The following SLC12A4 variants were observed in gnomAD, a reference collection of about 807,000 sequenced individuals.
The protein encoded by SLC12A4 is electroneutral potassium-chloride cotransporter 1.
SLC12A4 carries 84 observed loss-of-function variants against 119.2 expected under a neutral mutation model. The observed-to-expected ratio is 0.70, with a 90% CI of 0.59 to 0.85. SLC12A4 has a LOEUF of 0.85. SLC12A4 is among the 40% of genes least tolerant of loss of function. SLC12A4 has a pLI of 0.00. For missense variants in SLC12A4, 1,298 were observed against 1,476.3 expected (o/e 0.88, Z 1.98); for synonymous variants, 599 against 604.6 (o/e 0.99, Z 0.14).
At chr16:67,963,879 G>GC in intron 1 of SLC12A4, 2 of 1,544,446 alleles carry the variant, frequency 1.3e-6, no homozygotes, top group Non-Finnish European at 1.8e-6. Flanking sequence ...CGTTTGACCC[G>GC]CCCCCAGATC....
At position 67,944,094 on chromosome 16, in the gene SLC12A4, G is replaced by A. The variant is rs753021814; in HGVS notation, c.*746C>T. Reference sequence around the variant, plus strand: ...CACCCACTGCCATGGGGAGCCGGGCGGCCCCATTCCAGCCCTGGTGCCTAC... The same window carrying A: ...CACCCACTGCCATGGGGAGCCGGGCAGCCCCATTCCAGCCCTGGTGCCTAC... On this transcript the variant is annotated 3_prime_UTR_variant, in exon 24 of 24. Coordinates refer to ENST00000316341, the MANE Select transcript of SLC12A4 (RefSeq NM_005072.5). This position sits in a 1 kb window ranked among gnomAD's most constrained non-coding sequence, Gnocchi z 6.6. The A allele has an allele frequency of 2.1e-5, 33 of 1,547,574 alleles. No individual in the cohort carries two copies. The South Asian group carries it at 2.4e-4, about 11-fold the overall frequency.
In SLC12A4 at chr16:67,946,166, T is replaced by G; in HGVS notation, c.2607+5A>C. On this transcript the variant is annotated splice_donor_5th_base_variant and intron_variant, in intron 19 of 23. Coordinates refer to ENST00000316341, the MANE Select transcript of SLC12A4 (RefSeq NM_005072.5). ...CCTCTCATCTGCACCCACCCCCTGG[T>G]CTACCTTATGCTGGCGCAGCAGGAA... is the stretch of plus-strand genomic sequence containing the variant. The G allele has an allele frequency of 6.2e-7, 1 of 1,613,838 alleles. No homozygotes were observed. The highest frequency in any genetic ancestry group is 8.5e-7 in the Non-Finnish European group (1 of 1,179,972).
At chr16:67,964,343 C>T (rs1457208145) in intron 1 of SLC12A4, among the ~76,000 whole-genome samples, 1 of 152,210 alleles carries the variant, frequency 6.6e-6, no homozygotes, top group Non-Finnish European at 1.5e-5. Flanking sequence ...TGAGAAATCT[C>T]GCCAAAAGGA....
chr16:67,950,871 G>A lies in SLC12A4; in HGVS notation c.1396+91C>T, dbSNP rs1244375635. ...GAGAAGGGGAGCTATATATGAGTGT[G>A]TGGGGTGTCTGTGCATGTGACCTGG... On this transcript the variant is annotated intron_variant, in intron 10 of 23. Coordinates refer to ENST00000316341, the MANE Select transcript of SLC12A4 (RefSeq NM_005072.5). The surrounding 1 kb of genome is among the most constrained non-coding windows in gnomAD (Gnocchi z 4.3). The A allele has an allele frequency of 1.4e-6, 2 of 1,450,080 alleles. No homozygotes were observed. Among genetic ancestry groups the A allele is most frequent in the South Asian group, 1.2e-5 (1 of 85,370 alleles). 89.8% of individuals were successfully genotyped at this position (1,450,080 alleles called of 1,614,324 possible).
Position 67,958,015 on chromosome 16 carries a change from C to G in SLC12A4, c.372G>C (p.Val124=), listed in dbSNP as rs899894198. Reference sequence around the variant, plus strand: ...AGATATTCTGCAGGCAGGGCAGGTACACCCCCATGAGGGTGCCCATGCTGG... The same window carrying G: ...AGATATTCTGCAGGCAGGGCAGGTAGACCCCCATGAGGGTGCCCATGCTGG... The part of the protein sequence containing the change: ...EAPSMGTLMG[V]YLPCLQNIFG... The change falls in exon 4 of 24, where the codon GTG becomes GTC. Residue 124 remains valine (V), a synonymous_variant. Coordinates refer to ENST00000316341, the MANE Select transcript of SLC12A4 (RefSeq NM_005072.5). The G allele has an allele frequency of 2.5e-6, 4 of 1,614,056 alleles. No homozygotes were observed. Among genetic ancestry groups the G allele is most frequent in the Admixed American group, 1.7e-5 (1 of 60,006 alleles).
At chr16:67,954,977 G>A (rs903052412) in intron 5 of SLC12A4, among the ~76,000 whole-genome samples, 3 of 152,202 alleles carry the variant, frequency 2.0e-5, no homozygotes, top group Middle Eastern at 3.2e-3. Flanking sequence ...CATCTGACTC[G>A]AATGTCCAGC....
chr16:67,947,378 G>T lies in SLC12A4; in HGVS notation c.2025C>A (p.Tyr675Ter). ...IRGLSLSAAR[Y>*]ALLRLEEGPP... ...GCCCCTCCTCCAGCCGCAACAGCGC[G>T]TAGCGGGCAGCGCTCAGGGACAGGC... The change falls in exon 16 of 24, where the codon TAC becomes TAA. Residue 675 changes from tyrosine (Y) to a stop codon, truncating the protein, a stop_gained. Coordinates refer to ENST00000316341, the MANE Select transcript of SLC12A4 (RefSeq NM_005072.5). LOFTEE classifies it high-confidence loss of function. 1 of 1,612,836 alleles carries T rather than the reference G, an allele frequency of 6.2e-7. No individual in the cohort carries two copies. Among genetic ancestry groups the T allele is most frequent in the Non-Finnish European group, 8.5e-7 (1 of 1,179,866 alleles).
At chr16:67,948,286 T>G in intron 13 of SLC12A4, 127 bp from the exon 14 acceptor site, 2 of 771,962 alleles carry the variant, frequency 2.6e-6, no homozygotes, top group Non-Finnish European at 4.3e-6. Context: ...CAAGGTCTTC[T>G]CAACCTCATT....
chr16:67,947,014 T>TG lies in SLC12A4; in HGVS notation c.2163dup (p.Lys722GlnfsTer35). ...ACAGAACCAACAATGGTCAGGCCCT[T>TG]GCCAGCCTTGAGCTGGGAGGCGAAG... is the stretch of plus-strand genomic sequence containing the variant. On this transcript the variant is annotated frameshift_variant, in exon 17 of 24. Transcript: ENST00000316341. LOFTEE classifies it high-confidence loss of function. 2 of 1,613,194 alleles carry TG rather than the reference T, an allele frequency of 1.2e-6. No homozygotes were observed. The highest frequency in any genetic ancestry group is 1.7e-6 in the Non-Finnish European group (2 of 1,180,018).
intron 13 of SLC12A4, among the ~76,000 whole-genome samples, chr16:67,948,792 T>C (rs960929293): frequency 2.0e-5 from 3 of 151,130 alleles, no homozygotes; most frequent in African/African-American, 7.3e-5. Flanking sequence ...CCACCCAAGA[T>C]GGCTGTGGCA....
Position 67,950,035 on chromosome 16 carries a change from T to C in SLC12A4, c.1630-117A>G. ...CCGCCTTGGGGGCTCAGGCCGCCCCTGTGTCTATCCCTATGGGTGTCACCA... is the reference window on the plus strand; with the variant it reads ...CCGCCTTGGGGGCTCAGGCCGCCCCCGTGTCTATCCCTATGGGTGTCACCA... On this transcript the variant is annotated intron_variant, in intron 12 of 23. Coordinates refer to ENST00000316341, the MANE Select transcript of SLC12A4 (RefSeq NM_005072.5). The surrounding 1 kb of genome is among the most constrained non-coding windows in gnomAD (Gnocchi z 4.3). 1.2e-6 allele frequency: 1 copy of C among 811,718 alleles called. No individual in the cohort carries two copies. Among genetic ancestry groups the C allele is most frequent in the Non-Finnish European group, 2.0e-6 (1 of 489,458 alleles). 50.3% of individuals were successfully genotyped at this position (811,718 alleles called of 1,614,324 possible). A position where few individuals can be genotyped will look rare whatever the true frequency, so the allele number is the denominator to read the frequency against.
In SLC12A4 at chr16:67,949,725, A is replaced by G; in HGVS notation, c.1748+75T>C. 9.9e-7 allele frequency: 1 copy of G among 1,008,942 alleles called. No homozygotes were observed. 62.5% of individuals were successfully genotyped at this position (1,008,942 alleles called of 1,614,324 possible). ...ATCTCCCAGCTGGACCTCCAACACC[A>G]GACGCAGCCACGGGGAGGTGCTGGG... On this transcript the variant is annotated intron_variant, in intron 13 of 23. Coordinates refer to ENST00000316341, the MANE Select transcript of SLC12A4 (RefSeq NM_005072.5). The surrounding 1 kb of genome is among the most constrained non-coding windows in gnomAD (Gnocchi z 4.6).
Position 67,949,868 on chromosome 16 carries a change from CAGG to C in SLC12A4, c.1677_1679del (p.Leu560del), listed in dbSNP as rs1598214859. On this transcript the variant is annotated inframe_deletion, in exon 13 of 24. Coordinates refer to ENST00000316341, the MANE Select transcript of SLC12A4 (RefSeq NM_005072.5). The surrounding 1 kb of genome is among the most constrained non-coding windows in gnomAD (Gnocchi z 4.6). The stretch of plus-strand genomic sequence containing the variant: ...TGCCCAGCTCGGCGATGAGTGCCGT[CAGG>C]AGGAGTGCCCATGTGGGTTCACCAT... The C allele has an allele frequency of 1.2e-6, 2 of 1,610,588 alleles. No individual in the cohort carries two copies. Among genetic ancestry groups the C allele is most frequent in the East Asian group, 2.2e-5 (1 of 44,610 alleles).
Position 67,950,346 on chromosome 16 carries a change from G to C in SLC12A4, c.1602C>G (p.Ala534=). The change falls in exon 12 of 24, where the codon GCC becomes GCG. Residue 534 remains alanine (A), a synonymous_variant. Transcript: ENST00000316341. This position sits in a 1 kb window ranked among gnomAD's most constrained non-coding sequence, Gnocchi z 4.3. ...GGAGGAAGGGGATGATGTTGTCCTT[G>C]GCAATGGCCTGCAATAGGCGTGGTG... ...TGAPRLLQAI[A]KDNIIPFLRV... The C allele has an allele frequency of 6.2e-7, 1 of 1,614,022 alleles. No homozygotes were observed. The highest frequency in any genetic ancestry group is 8.5e-7 in the Non-Finnish European group (1 of 1,180,016).
chr16:67,943,951 G>C lies in SLC12A4; in HGVS notation c.*889C>G. ...CAGGGGCCTGGTGGGGGCTTACCGA[G>C]GATGACGGGCCGTGTGTGGTTACTG... On this transcript the variant is annotated 3_prime_UTR_variant, in exon 24 of 24. Transcript: ENST00000316341. The surrounding 1 kb of genome is among the most constrained non-coding windows in gnomAD (Gnocchi z 4.6). The C allele has an allele frequency of 6.5e-7, 1 of 1,546,498 alleles. No homozygotes were observed. The highest frequency in any genetic ancestry group is 8.7e-7 in the Non-Finnish European group (1 of 1,144,444).
chr16:67,950,040 C>G lies in SLC12A4; in HGVS notation c.1630-122G>C. On this transcript the variant is annotated intron_variant, in intron 12 of 23. Coordinates refer to ENST00000316341, the MANE Select transcript of SLC12A4 (RefSeq NM_005072.5). This position sits in a 1 kb window ranked among gnomAD's most constrained non-coding sequence, Gnocchi z 4.3. The stretch of plus-strand genomic sequence containing the variant: ...TTGGGGGCTCAGGCCGCCCCTGTGT[C>G]TATCCCTATGGGTGTCACCAGTCTC... 1.3e-6 allele frequency: 1 copy of G among 791,098 alleles called. No homozygotes were observed. Among genetic ancestry groups the G allele is most frequent in the South Asian group, 1.5e-5 (1 of 65,784 alleles). 49.0% of individuals were successfully genotyped at this position (791,098 alleles called of 1,614,324 possible). A position where few individuals can be genotyped will look rare whatever the true frequency, so the allele number is the denominator to read the frequency against.
chr16:67,956,750 T>C (rs920440171), intron 5 of SLC12A4, among the ~76,000 whole-genome samples: 1 of 151,236 alleles, frequency 6.6e-6, no homozygotes, highest in African/African-American at 2.4e-5. Context: ...CACACACACA[T>C]ACACACGTAA....
chr16:67,947,534 A>G (rs2058366201), intron 15 of SLC12A4, 99 bp from the exon 16 acceptor site: 4 of 1,487,792 alleles, frequency 2.7e-6, no homozygotes, highest in Non-Finnish European at 3.6e-6. Context: ...AAGACCACCC[A>G]GGGGTCCTGA....
chr16:67,949,747 TG>T lies in SLC12A4; in HGVS notation c.1748+52del. 1 of 1,250,488 alleles carries T rather than the reference TG, an allele frequency of 8.0e-7. No individual in the cohort carries two copies. Among genetic ancestry groups the T allele is most frequent in the Non-Finnish European group, 1.1e-6 (1 of 873,864 alleles). 77.5% of individuals were successfully genotyped at this position (1,250,488 alleles called of 1,614,324 possible). On this transcript the variant is annotated intron_variant, in intron 13 of 23. Transcript: ENST00000316341. The surrounding 1 kb of genome is among the most constrained non-coding windows in gnomAD (Gnocchi z 4.6). ...ACCAGACGCAGCCACGGGGAGGTGC[TG>T]GGGTTCAGGAAGCCTTTCCCCATCC...
Sources: gnomAD v4.1 joint callset for allele counts (sites outside exome capture counted in the v4.1 genomes callset) on GRCh38, gnomAD v4.1.1 for gene constraint, Gnocchi (gnomAD v3.1) non-coding constraint, MANE v1.5 for transcripts, NCBI Gene and HGNC (gene_info 2026-07-23, HGNC 2026-07-21) for gene names.